Variants in FAAH2 observed in about 807,000 individuals in gnomAD.
FAAH2 encodes fatty-acid amide hydrolase 2.
A neutral mutation model predicts 36.9 loss-of-function variants in FAAH2; 60 were observed. The ratio of observed to expected loss-of-function variants is 1.63; its 90% CI spans 1.32 to 2.02. The LOEUF (loss-of-function observed/expected upper bound fraction) is 2.02. Among genes scored for constraint, FAAH2 ranks in the 30% most tolerant of loss-of-function variants. The pLI, the probability that FAAH2 is intolerant of heterozygous loss-of-function variation, is 0.00. For missense variants in FAAH2, 689 were observed against 397.5 expected (o/e 1.73, Z -6.23); for synonymous variants, 214 against 143.8 (o/e 1.49, Z -3.49).
intron 7 of FAAH2, among the ~76,000 whole-genome samples, chrX:57,382,607 C>G (rs1286073819): frequency 9.0e-6 from 1 of 111,198 alleles, no homozygotes; most frequent in South Asian, 3.8e-4. Flanking sequence ...ACACATACAC[C>G]CTCCCAAGAC....
intron 10 of FAAH2, among the ~76,000 whole-genome samples, chrX:57,466,154 C>CTATATATATA (rs1371319859): frequency 0.01 from 671 of 66,763 alleles, 11 homozygotes; most frequent in Middle Eastern, 0.022. Flanking sequence ...CTCTCTCTCT[C>CTATATATATA]TCTATATATA....
intron 5 of FAAH2, among the ~76,000 whole-genome samples, chrX:57,351,243 T>C (rs915579387): frequency 1.8e-5 from 2 of 111,369 alleles, no homozygotes; most frequent in African/African-American, 6.5e-5. Flanking sequence ...TGAATGACCA[T>C]TGGGTCAATA....
chrX:57,203,110 A>G, the FAAH2 span, among the ~76,000 whole-genome samples: 1 of 112,157 alleles, frequency 8.9e-6, no homozygotes, highest in African/African-American at 3.2e-5. Flanking sequence ...GGGGTAGGAA[A>G]TCAGGGGTCT....
At chrX:57,474,301 C>T (rs1040357434) in intron 10 of FAAH2, among the ~76,000 whole-genome samples, 6 of 111,144 alleles carry the variant, frequency 5.4e-5, no homozygotes, top group Admixed American at 9.6e-5. Flanking sequence ...ATCCGCCCAT[C>T]ATTTAGGCTT....
intron 7 of FAAH2, among the ~76,000 whole-genome samples, chrX:57,402,207 C>G (rs185123084): frequency 6.2e-5 from 7 of 112,201 alleles, no homozygotes; most frequent in African/African-American, 2.3e-4. Context: ...AGAGGACCTT[C>G]GTCCCCTGGG....
chrX:57,400,632 G>A lies in FAAH2; in HGVS notation c.996+19603G>A, dbSNP rs188679533. On this transcript the variant is annotated intron_variant, in intron 7 of 10. Coordinates refer to ENST00000374900, the MANE Select transcript of FAAH2 (RefSeq NM_174912.4). Reference sequence around the variant, plus strand: ...ACCTGGGAATCCATGTTTGGCAGAAGCCTGTTATGCCAAGGAACCCTCTTA... The same window carrying A: ...ACCTGGGAATCCATGTTTGGCAGAAACCTGTTATGCCAAGGAACCCTCTTA... Among the ~76,000 whole-genome samples, 527 of 112,545 alleles carry A rather than the reference G, an allele frequency of 4.7e-3. 3 individuals carry two copies. The highest frequency in any genetic ancestry group is 0.016 in the African/African-American group (494 of 31,014).
chrX:57,289,784 C>A, intron 1 of FAAH2, among the ~76,000 whole-genome samples: 1 of 109,855 alleles, frequency 9.1e-6, no homozygotes, highest in African/African-American at 3.3e-5. Context: ...AGGTACTGAA[C>A]AATGAATATA....
rs146162839 is a variant in FAAH2, at chrX:57,377,703, G to A, written c.743-948G>A. 3.9e-3 allele frequency among the ~76,000 whole-genome samples: 441 copies of A among 111,726 alleles called. 2 individuals carry two copies. Among genetic ancestry groups the A allele is most frequent in the African/African-American group, 0.014 (418 of 30,744 alleles). ...AAGAAAGTCAATGGTAGCTTGATACGGATAGTATTGAATCTATAAATTACT... is the reference window on the plus strand; with the variant it reads ...AAGAAAGTCAATGGTAGCTTGATACAGATAGTATTGAATCTATAAATTACT... On this transcript the variant is annotated intron_variant, in intron 5 of 10. Coordinates refer to ENST00000374900, the MANE Select transcript of FAAH2 (RefSeq NM_174912.4).
intron 5 of FAAH2, among the ~76,000 whole-genome samples, chrX:57,374,891 C>T (rs945301541): frequency 3.6e-5 from 4 of 111,184 alleles, no homozygotes; most frequent in African/African-American, 1.3e-4. Flanking sequence ...CCTTGTATGC[C>T]GATTTTGCTG....
intron 8 of FAAH2, among the ~76,000 whole-genome samples, chrX:57,445,860 C>T (rs1452737814): frequency 8.9e-6 from 1 of 112,132 alleles, no homozygotes. Context: ...AAATCAATTG[C>T]CTCTGAGAGA....
chrX:57,477,047 C>T (rs754059096), intron 10 of FAAH2, among the ~76,000 whole-genome samples: 76 of 109,954 alleles, frequency 6.9e-4, no homozygotes, highest in Non-Finnish European at 1.2e-3. Flanking sequence ...GTGGTGATAT[C>T]GCCTTTATCA....
In FAAH2 at chrX:57,377,455, T is replaced by G. The variant is rs182144914; in HGVS notation, c.743-1196T>G. Among the ~76,000 whole-genome samples the G allele has an allele frequency of 5.3e-5, 6 of 112,249 alleles. No individual in the cohort carries two copies. In the East Asian group the frequency reaches 1.4e-3, roughly 26 times the overall value. ...AGGTTTGTCAAAGACTAGATTGTAG[T>G]AGATGTGTGGCATTATATCTGAGGG... On this transcript the variant is annotated intron_variant, in intron 5 of 10. Transcript: ENST00000374900.
the FAAH2 span, among the ~76,000 whole-genome samples, chrX:57,180,131 T>A: frequency 1.3e-4 from 15 of 111,758 alleles, no homozygotes; most frequent in Non-Finnish European, 2.8e-4. Flanking sequence ...AAGCAGTACA[T>A]TTATAGCACT....
the FAAH2 span, among the ~76,000 whole-genome samples, chrX:57,124,555 C>A: frequency 1.8e-5 from 2 of 111,859 alleles, no homozygotes; most frequent in African/African-American, 6.5e-5. Context: ...TCATTGGTAG[C>A]TTAATGGGGA....
At chrX:57,145,246 A>T in the FAAH2 span, among the ~76,000 whole-genome samples, 36 of 78,335 alleles carry the variant, frequency 4.6e-4, no homozygotes, top group Non-Finnish European at 7.3e-4. Context: ...GATTATGATC[A>T]TTCTTTTGGG....
chrX:57,419,543 T>A (rs1602598772), intron 7 of FAAH2, among the ~76,000 whole-genome samples: 2 of 112,123 alleles, frequency 1.8e-5, no homozygotes, highest in East Asian at 5.6e-4. Context: ...TTCCCATCCT[T>A]CGCCCACTTT....
chrX:57,216,587 T>TATATATAC, the FAAH2 span, among the ~76,000 whole-genome samples: 4 of 19,488 alleles, frequency 2.1e-4, no homozygotes, highest in Non-Finnish European at 3.0e-4. Context: ...TATATGTATA[T>TATATATAC]GTATATATAT....
intron 10 of FAAH2, among the ~76,000 whole-genome samples, chrX:57,484,644 ATCT>A (rs1957829681): frequency 9.0e-6 from 1 of 111,499 alleles, no homozygotes; most frequent in Non-Finnish European, 1.9e-5. Flanking sequence ...TATGGCTCAC[ATCT>A]TCTTTGACAT....
chrX:57,283,119 G>A (rs1001751419), upstream of FAAH2, among the ~76,000 whole-genome samples: 6 of 112,421 alleles, frequency 5.3e-5, no homozygotes, highest in Non-Finnish European at 1.1e-4. Context: ...GAAGGGGATT[G>A]CGGAGGGAAC....
Sources: gnomAD v4.1 joint callset for allele counts (sites outside exome capture counted in the v4.1 genomes callset) on GRCh38, gnomAD v4.1.1 for gene constraint, MANE v1.5 for transcripts, NCBI Gene and HGNC (gene_info 2026-07-23, HGNC 2026-07-21) for gene names.